BCAS1: variants seen among roughly 807,000 people sequenced by gnomAD.
The protein encoded by BCAS1 is brain enriched myelin associated protein 1.
A neutral mutation model predicts 65.4 loss-of-function variants in BCAS1; 46 were observed. The ratio of observed to expected loss-of-function variants is 0.70; its 90% CI spans 0.55 to 0.90. The LOEUF (loss-of-function observed/expected upper bound fraction) is 0.90, where lower values mean the gene tolerates loss of function less well. Ranked by LOEUF, BCAS1 falls within the 40% of genes least tolerant of loss-of-function variation. The probability of loss-of-function intolerance (pLI) is 0.00; values close to 1 mark genes in which losing one functional copy is unlikely to be tolerated. For missense variants in BCAS1, 793 were observed against 771.2 expected (o/e 1.03, Z -0.33); for synonymous variants, 298 against 293.5 (o/e 1.02, Z -0.16).
intron 10 of BCAS1, among the ~76,000 whole-genome samples, chr20:53,965,411 GT>G (rs2091979381): frequency 6.6e-6 from 1 of 152,096 alleles, no homozygotes; most frequent in South Asian, 2.1e-4. Flanking sequence ...TGAAATTCTT[GT>G]TTTTCATTAA....
rs980126317 is a variant in BCAS1, at chr20:53,988,048, C to T, written c.1063-2549G>A. Among the ~76,000 whole-genome samples the T allele has an allele frequency of 2.0e-5, 3 of 152,188 alleles. No homozygotes were observed. The South Asian group carries it at 6.2e-4, about 31-fold the overall frequency. ...CCTCATCCCCATCTCTAAGAAAGGG[C>T]TCTGGTTGCTTTAAGCCAATCATCA... On this transcript the variant is annotated intron_variant, in intron 7 of 12. Transcript: ENST00000688948.
rs903985824 is a variant in BCAS1 at position 53,958,114 on chromosome 20, C to A, written c.1486-617G>T. ...GAAAGGCAAATTCTGGAGACCCAGG[C>A]TGGATCTAATCAATCAGAAGCTTTC... On this transcript the variant is annotated intron_variant, in intron 10 of 12. Coordinates refer to ENST00000688948, the MANE Select transcript of BCAS1 (RefSeq NM_001366298.2). Among the ~76,000 whole-genome samples the A allele has an allele frequency of 5.9e-5, 9 of 152,060 alleles. No individual in the cohort carries two copies. In the East Asian group the frequency reaches 1.7e-3, roughly 29 times the overall value.
intron 7 of BCAS1, 24 bp from the exon 8 acceptor site, chr20:53,985,523 G>A: frequency 1.9e-6 from 3 of 1,604,604 alleles, no homozygotes; most frequent in Non-Finnish European, 2.6e-6. Flanking sequence ...AAAAATGGAG[G>A]GAAAACATTC....
chr20:53,978,481 CTAAT>C (rs1255398733), intron 8 of BCAS1, among the ~76,000 whole-genome samples: 2 of 152,008 alleles, frequency 1.3e-5, no homozygotes, highest in Non-Finnish European at 2.9e-5. Context: ...GCAGTAAGTT[CTAAT>C]TGTTTTTAAG....
At chr20:54,047,821 TG>T (rs1341881927) in intron 3 of BCAS1, among the ~76,000 whole-genome samples, 29 of 152,344 alleles carry the variant, frequency 1.9e-4, no homozygotes, top group African/African-American at 7.0e-4. Context: ...TCAAGAGTGC[TG>T]GTTACAGAAA....
At chr20:53,968,142 C>G (rs1038465542) in intron 9 of BCAS1, among the ~76,000 whole-genome samples, 2 of 152,206 alleles carry the variant, frequency 1.3e-5, no homozygotes, top group African/African-American at 4.8e-5. Flanking sequence ...TATCAGCACA[C>G]GCGACCACGC....
intron 4 of BCAS1, among the ~76,000 whole-genome samples, chr20:54,027,723 C>T (rs1401676634): frequency 2.0e-5 from 3 of 151,952 alleles, no homozygotes; most frequent in Non-Finnish European, 4.4e-5. Context: ...AAAGAGCTTG[C>T]CTTTCTTCGC....
chr20:54,065,561 TTGTC>T (rs2092429842), intron 1 of BCAS1, among the ~76,000 whole-genome samples: 2 of 152,296 alleles, frequency 1.3e-5, no homozygotes, highest in East Asian at 3.9e-4. Context: ...CAGCGAAGAA[TTGTC>T]TGCTTTGCTG....
In BCAS1 at chr20:53,995,489, GT is replaced by G. The variant is rs11480980; in HGVS notation, c.882+402del. ...CTTCACTATGCATTCATTCATTCAG[GT>G]TTTTTTTTTTTTGAATGATTTCTAC... is the stretch of plus-strand genomic sequence containing the variant. On this transcript the variant is annotated intron_variant, in intron 5 of 12. Transcript: ENST00000688948. Among the ~76,000 whole-genome samples, 636 of 145,708 alleles carry G rather than the reference GT, an allele frequency of 4.4e-3. 2 individuals are homozygous for G. The highest frequency in any genetic ancestry group is 0.012 in the African/African-American group (470 of 39,694).
At chr20:53,970,344 C>G (rs1020724696) in intron 9 of BCAS1, among the ~76,000 whole-genome samples, 1 of 152,160 alleles carries the variant, frequency 6.6e-6, no homozygotes, top group Admixed American at 6.5e-5. Flanking sequence ...AAGAAGCTGG[C>G]TTTTAGTAGC....
chr20:54,011,536 G>A (rs1430620822), intron 4 of BCAS1, among the ~76,000 whole-genome samples: 5 of 152,054 alleles, frequency 3.3e-5, no homozygotes, highest in Non-Finnish European at 7.4e-5. Flanking sequence ...AAACCATAAC[G>A]AGACATCACT....
intron 1 of BCAS1, among the ~76,000 whole-genome samples, chr20:54,061,593 C>A (rs16998871): frequency 0.14 from 21,136 of 152,080 alleles, 1,942 homozygotes; most frequent in East Asian, 0.32. Context: ...TGGTAGTAGA[C>A]GCATTGAGCA....
At chr20:53,980,089 C>A (rs1016538893) in intron 8 of BCAS1, among the ~76,000 whole-genome samples, 3 of 152,122 alleles carry the variant, frequency 2.0e-5, no homozygotes, top group Admixed American at 1.3e-4. Context: ...CAGTTAAAAT[C>A]TTGATGACCC....
chr20:54,065,514 T>G (rs2092429027), intron 1 of BCAS1, among the ~76,000 whole-genome samples: 1 of 152,178 alleles, frequency 6.6e-6, no homozygotes, highest in Non-Finnish European at 1.5e-5. Flanking sequence ...GGGACGCTGC[T>G]ACATACCCTG....
chr20:54,051,985 T>G (rs113506028), intron 3 of BCAS1, among the ~76,000 whole-genome samples: 1,741 of 152,252 alleles, frequency 0.011, 32 homozygotes, highest in African/African-American at 0.04. Context: ...GTGATCCACC[T>G]GTCTCGGCCT....
Position 53,954,523 on chromosome 20 carries a change from C to A in BCAS1, c.1552-828G>T, listed in dbSNP as rs374246997. Among the ~76,000 whole-genome samples, 12 of 152,282 alleles carry A rather than the reference C, an allele frequency of 7.9e-5. 1 individual carries two copies. Among genetic ancestry groups the A allele is most frequent in the East Asian group, 3.9e-4 (2 of 5,192 alleles). ...TTTTTGGTGTGAAATTGTCCTTTTG[C>A]TTCATGAAATGGTGGTAAAAGAGAT... is the stretch of plus-strand genomic sequence containing the variant. On this transcript the variant is annotated intron_variant, in intron 11 of 12. Coordinates refer to ENST00000688948, the MANE Select transcript of BCAS1 (RefSeq NM_001366298.2).
chr20:53,962,946 A>G (rs892122713), intron 10 of BCAS1, among the ~76,000 whole-genome samples: 6 of 151,638 alleles, frequency 4.0e-5, no homozygotes, highest in East Asian at 2.0e-4. Context: ...TGCCTCCCGG[A>G]TTCACGCCAT....
In BCAS1 at chr20:53,948,154, G is replaced by A. The variant is rs575856149; in HGVS notation, c.1816-3158C>T. ...CTCTGTTTGCCCAGCGTGCCTTGCC[G>A]TGGATCCTGGTTCACCCAGGCTCCA... On this transcript the variant is annotated intron_variant, in intron 12 of 12. Coordinates refer to ENST00000688948, the MANE Select transcript of BCAS1 (RefSeq NM_001366298.2). 3.9e-5 allele frequency among the ~76,000 whole-genome samples: 6 copies of A among 152,218 alleles called. No individual in the cohort carries two copies. In the South Asian group the frequency reaches 6.2e-4, roughly 16 times the overall value.
intron 8 of BCAS1, among the ~76,000 whole-genome samples, chr20:53,982,681 T>A (rs1432168393): frequency 1.3e-5 from 2 of 152,196 alleles, no homozygotes; most frequent in Admixed American, 6.5e-5. Context: ...GGTGATTTTA[T>A]AATCATAGTC....
Sources: gnomAD v4.1 joint callset for allele counts (sites outside exome capture counted in the v4.1 genomes callset) on GRCh38, gnomAD v4.1.1 for gene constraint, MANE v1.5 for transcripts, NCBI Gene and HGNC (gene_info 2026-07-23, HGNC 2026-07-21) for gene names.